Variants in TNFAIP8 observed in about 807,000 individuals in gnomAD.
TNFAIP8 encodes the protein tumor necrosis factor alpha-induced protein 8.
TNFAIP8 carries 7 observed loss-of-function variants against 13.3 expected under a neutral mutation model. That is an observed-to-expected ratio of 0.52 (90% CI 0.30 to 0.99). The LOEUF (loss-of-function observed/expected upper bound fraction) is 0.99, where lower values mean the gene tolerates loss of function less well. TNFAIP8 is among the 50% of genes least tolerant of loss of function. TNFAIP8 has a pLI of 0.07. For missense variants in TNFAIP8, 258 were observed against 236.9 expected (o/e 1.09, Z -0.58); for synonymous variants, 94 against 87.6 (o/e 1.07, Z -0.41).
intron 1 of TNFAIP8, among the ~76,000 whole-genome samples, chr5:119,328,055 A>G (rs906523241): frequency 6.6e-6 from 1 of 152,234 alleles, no homozygotes; most frequent in Non-Finnish European, 1.5e-5. Context: ...GAAACAGACC[A>G]TAAGGAAGAT....
Position 119,371,017 on chromosome 5 carries a change from C to G in TNFAIP8, c.31+14896C>G, listed in dbSNP as rs576414701. ...ATGGAAGAAAATTACTTCATAGATG[C>G]TAGACATTCAAGAATTAAATCCCCT... On this transcript the variant is annotated intron_variant, in intron 1 of 1. Transcript: ENST00000504771. Among the ~76,000 whole-genome samples the G allele has an allele frequency of 1.5e-4, 23 of 152,266 alleles. No individual in the cohort carries two copies. The South Asian group carries it at 4.8e-3, about 32-fold the overall frequency.
At chr5:119,334,229 CT>C (rs1750475486) in intron 1 of TNFAIP8, among the ~76,000 whole-genome samples, 1 of 151,060 alleles carries the variant, frequency 6.6e-6, no homozygotes, top group African/African-American at 2.4e-5. Flanking sequence ...ATACTTAATG[CT>C]CCCACAAGTA....
rs1446374837 is a variant in TNFAIP8 at position 119,399,592 on chromosome 5, G to A, written c.*6211G>A. On this transcript the variant is annotated 3_prime_UTR_variant, in exon 2 of 2. Coordinates refer to ENST00000504771, the MANE Select transcript of TNFAIP8 (RefSeq NM_014350.4). ...AAAATCGGTTTTTGCTTTCAATTTAGGAAAATTGTTTTGGGTTGCATTGTT... is the reference window on the plus strand; with the variant it reads ...AAAATCGGTTTTTGCTTTCAATTTAAGAAAATTGTTTTGGGTTGCATTGTT... 5.3e-5 allele frequency: 8 copies of A among 152,048 alleles called. No homozygotes were observed. The highest frequency in any genetic ancestry group is 5.2e-4 in the Admixed American group (8 of 15,264). 9.4% of individuals were successfully genotyped at this position (152,048 alleles called of 1,614,324 possible). A position where few individuals can be genotyped will look rare whatever the true frequency, so the allele number is the denominator to read the frequency against.
intron 1 of TNFAIP8, among the ~76,000 whole-genome samples, chr5:119,291,933 C>G (rs1291361625): frequency 6.6e-6 from 1 of 152,140 alleles, no homozygotes; most frequent in Non-Finnish European, 1.5e-5. Flanking sequence ...TAACCCTGAC[C>G]CATACAGGAC....
intron 1 of TNFAIP8, among the ~76,000 whole-genome samples, chr5:119,304,215 C>T (rs1749483808): frequency 6.6e-6 from 1 of 152,056 alleles, no homozygotes; most frequent in Non-Finnish European, 1.5e-5. Context: ...AATACCTGGC[C>T]TCAAGTGATC....
chr5:119,386,473 A>G (rs1752677063), intron 1 of TNFAIP8, among the ~76,000 whole-genome samples: 1 of 152,236 alleles, frequency 6.6e-6, no homozygotes, highest in African/African-American at 2.4e-5. Flanking sequence ...AATCTGGAAG[A>G]GTGCCTTAGA....
At chr5:119,279,532 A>T (rs1748566064) in intron 1 of TNFAIP8, among the ~76,000 whole-genome samples, 2 of 152,140 alleles carry the variant, frequency 1.3e-5, no homozygotes, top group South Asian at 4.1e-4. Flanking sequence ...ATTCTGGTAG[A>T]TATCTAAGAG....
chr5:119,285,272 C>G (rs896990908), intron 1 of TNFAIP8, among the ~76,000 whole-genome samples: 3 of 152,186 alleles, frequency 2.0e-5, no homozygotes, highest in Non-Finnish European at 2.9e-5. Flanking sequence ...TAAATCATCT[C>G]TAATCCCTCA....
At chr5:119,301,257 C>G (rs1749381828) in intron 1 of TNFAIP8, among the ~76,000 whole-genome samples, 1 of 152,194 alleles carries the variant, frequency 6.6e-6, no homozygotes, top group Non-Finnish European at 1.5e-5. Context: ...ATCCTCCCTT[C>G]TATTGTTCCC....
chr5:119,399,513 C>T lies in TNFAIP8; in HGVS notation c.*6132C>T, dbSNP rs1753147793. 1 of 152,046 alleles carries T rather than the reference C, an allele frequency of 6.6e-6. No individual in the cohort carries two copies. Among genetic ancestry groups the T allele is most frequent in the African/African-American group, 2.4e-5 (1 of 41,390 alleles). The allele number at this position is 152,046 out of a possible 1,614,324, so 9.4% of individuals were successfully genotyped here. On this transcript the variant is annotated 3_prime_UTR_variant, in exon 2 of 2. Transcript: ENST00000504771. The stretch of plus-strand genomic sequence containing the variant: ...AAGACTGAGTCTAAAATAAATGAAG[C>T]AACAGACTTCAGCAGCCTGAGAGAA...
intron 1 of TNFAIP8, among the ~76,000 whole-genome samples, chr5:119,292,568 TAGA>T (rs1487134323): frequency 2.1e-5 from 3 of 146,148 alleles, no homozygotes; most frequent in Non-Finnish European, 3.0e-5. Context: ...CAAGTGTTAA[TAGA>T]AGATTATACA....
At position 119,333,596 on chromosome 5, in the gene TNFAIP8, T is replaced by C. The variant is rs566146645; in HGVS notation, c.2-59220T>C. 105 of 1,535,640 alleles carry C rather than the reference T, an allele frequency of 6.8e-5. No individual in the cohort carries two copies. In the African/African-American group the frequency reaches 1.3e-3, roughly 19 times the overall value. The stretch of plus-strand genomic sequence containing the variant: ...CTACCAAGATACTGTGAAGTTGTCC[T>C]TCTGATTGCACACGGGGAGAAAATG... On this transcript the variant is annotated intron_variant, in intron 1 of 1. Transcript: ENST00000274456.
chr5:119,278,974 A>G (rs1332989454), intron 1 of TNFAIP8, among the ~76,000 whole-genome samples: 12 of 152,246 alleles, frequency 7.9e-5, no homozygotes, highest in Non-Finnish European at 1.8e-4. Context: ...CATTCCAGCC[A>G]GAAAGGTATC....
At chr5:119,370,873 C>T (rs995186580) in intron 1 of TNFAIP8, among the ~76,000 whole-genome samples, 1 of 152,170 alleles carries the variant, frequency 6.6e-6, no homozygotes, top group Non-Finnish European at 1.5e-5. Context: ...ATTATTAAGG[C>T]CTACATTTGG....
chr5:119,325,754 C>T (rs1182798452), intron 1 of TNFAIP8, among the ~76,000 whole-genome samples: 1 of 152,182 alleles, frequency 6.6e-6, no homozygotes, highest in African/African-American at 2.4e-5. Context: ...GGCCTCCCAG[C>T]TGCTTCTTAC....
chr5:119,351,227 A>G (rs994512140), upstream of TNFAIP8, among the ~76,000 whole-genome samples: 10 of 152,120 alleles, frequency 6.6e-5, no homozygotes, highest in African/African-American at 2.2e-4. Flanking sequence ...GGGTCTCTCT[A>G]TGTTGTCCAA....
chr5:119,386,380 G>A (rs1328596104), intron 1 of TNFAIP8, among the ~76,000 whole-genome samples: 2 of 152,100 alleles, frequency 1.3e-5, no homozygotes, highest in Non-Finnish European at 2.9e-5. Flanking sequence ...ATTTGTGTCT[G>A]TATGTAGAAG....
intron 1 of TNFAIP8, among the ~76,000 whole-genome samples, chr5:119,276,982 T>C (rs1748474403): frequency 6.6e-6 from 1 of 152,230 alleles, no homozygotes; most frequent in Non-Finnish European, 1.5e-5. Flanking sequence ...GTACCTATGA[T>C]AAAATTTAAT....
At chr5:119,386,778 A>G (rs1227575310) in intron 1 of TNFAIP8, among the ~76,000 whole-genome samples, 6 of 152,172 alleles carry the variant, frequency 3.9e-5, no homozygotes, top group Admixed American at 2.6e-4. Flanking sequence ...TCCCAAGACT[A>G]TGTTCTGTGT....
Sources: allele counts gnomAD v4.1 joint callset (sites outside exome capture counted in the v4.1 genomes callset), GRCh38; gene constraint gnomAD v4.1.1; transcripts MANE v1.5; gene names NCBI Gene and HGNC (gene_info 2026-07-23, HGNC 2026-07-21).